Variants in VTI1A observed in about 807,000 individuals in gnomAD.
VTI1A encodes vesicle transport through interaction with t-SNAREs homolog 1A.
In VTI1A, 22 loss-of-function variants were observed where a neutral mutation model predicts 34.9. The ratio of observed to expected loss-of-function variants is 0.63; its 90% confidence interval spans 0.45 to 0.90. The LOEUF (loss-of-function observed/expected upper bound fraction) is 0.90. VTI1A is among the 40% of genes least tolerant of loss of function. The pLI, the probability that VTI1A is intolerant of heterozygous loss-of-function variation, is 0.00. For missense variants in VTI1A, 268 were observed against 275.6 expected, an observed-to-expected ratio of 0.97 and a Z score of 0.20; for synonymous variants, 87 against 97.3, an observed-to-expected ratio of 0.89 and a Z score of 0.62.
At chr10:112,808,287 C>T (rs947124476) in intron 7 of VTI1A, among the ~76,000 whole-genome samples, 2 of 151,840 alleles carry the variant, frequency 1.3e-5, no homozygotes, top group African/African-American at 4.8e-5. Context: ...GGTGGAACCT[C>T]ATGAATTTGC....
chr10:112,625,134 G>A lies in VTI1A; in HGVS notation c.428-43084G>A, dbSNP rs918225018. On this transcript the variant is annotated intron_variant, in intron 5 of 7. Transcript: ENST00000393077. Reference sequence around the variant, plus strand: ...AAAAGTATTTTGTAATAAAGTAAGCGCTGAATACATATGTTTAACTTGGGG... The same window carrying A: ...AAAAGTATTTTGTAATAAAGTAAGCACTGAATACATATGTTTAACTTGGGG... Among the ~76,000 whole-genome samples the A allele has an allele frequency of 7.2e-5, 11 of 152,262 alleles. No homozygotes were observed. In the East Asian group the frequency reaches 7.8e-4, roughly 11 times the overall value.
chr10:112,626,218 A>T (rs750487128), intron 5 of VTI1A, among the ~76,000 whole-genome samples: 14 of 152,184 alleles, frequency 9.2e-5, no homozygotes, highest in Non-Finnish European at 1.9e-4. Flanking sequence ...CCCCTTCCGG[A>T]GGTCACATAA....
chr10:112,854,745 G>A, the VTI1A span, among the ~76,000 whole-genome samples: 2 of 152,198 alleles, frequency 1.3e-5, no homozygotes, highest in African/African-American at 2.4e-5. Flanking sequence ...GGAATGAGGC[G>A]ACACCAGTAT....
chr10:112,666,419 T>C (rs1446123642), intron 5 of VTI1A, among the ~76,000 whole-genome samples: 1 of 152,208 alleles, frequency 6.6e-6, no homozygotes, highest in Non-Finnish European at 1.5e-5. Context: ...AATTCTTCTG[T>C]TAACACTTGT....
At chr10:112,812,397 G>A (rs181089512) in intron 7 of VTI1A, among the ~76,000 whole-genome samples, 1 of 152,302 alleles carries the variant, frequency 6.6e-6, no homozygotes, top group East Asian at 1.9e-4. Flanking sequence ...GGAACCCCTT[G>A]GCCTAGCTGG....
chr10:112,521,876 C>T (rs990505020), intron 3 of VTI1A, among the ~76,000 whole-genome samples: 5 of 151,744 alleles, frequency 3.3e-5, no homozygotes, highest in African/African-American at 9.7e-5. Context: ...GCTTTCTGTC[C>T]TGGATTGATG....
chr10:112,488,403 G>T (rs1035202583), intron 3 of VTI1A, among the ~76,000 whole-genome samples: 2 of 152,076 alleles, frequency 1.3e-5, no homozygotes. Context: ...GTACCAAGTC[G>T]AACTATCATT....
At chr10:112,791,711 C>CT (rs1335531723) in intron 7 of VTI1A, among the ~76,000 whole-genome samples, 7 of 152,070 alleles carry the variant, frequency 4.6e-5, no homozygotes, top group Admixed American at 4.6e-4. Context: ...AGGCAGCCTC[C>CT]TTTTTTCTTC....
At chr10:112,582,941 G>A (rs1844005142) in intron 5 of VTI1A, among the ~76,000 whole-genome samples, 1 of 152,086 alleles carries the variant, frequency 6.6e-6, no homozygotes, top group Non-Finnish European at 1.5e-5. Flanking sequence ...TCAGTGACCT[G>A]CCCAGCTTTA....
chr10:112,500,430 T>G (rs574289446), intron 3 of VTI1A, among the ~76,000 whole-genome samples: 1 of 147,096 alleles, frequency 6.8e-6, no homozygotes, highest in East Asian at 2.0e-4. Flanking sequence ...AGACTCCATC[T>G]CAAAAAAAGA....
At chr10:112,642,144 T>C (rs966518086) in intron 5 of VTI1A, among the ~76,000 whole-genome samples, 1 of 152,218 alleles carries the variant, frequency 6.6e-6, no homozygotes, top group Non-Finnish European at 1.5e-5. Flanking sequence ...TATTCCAGAA[T>C]GTAGACCGCA....
chr10:112,480,210 A>G (rs778315266), intron 3 of VTI1A, among the ~76,000 whole-genome samples: 8 of 152,212 alleles, frequency 5.3e-5, no homozygotes, highest in Non-Finnish European at 1.2e-4. Flanking sequence ...TAAAACAAAT[A>G]ATATTAAACA....
rs183877761 is a variant in VTI1A, at chr10:112,519,879, A to C, written c.265-7208A>C. ...ATCACTTGAAACTGTGACTATGGACAGATTTTCAATGAATGACCCCTTTTC... is the reference window on the plus strand; with the variant it reads ...ATCACTTGAAACTGTGACTATGGACCGATTTTCAATGAATGACCCCTTTTC... On this transcript the variant is annotated intron_variant, in intron 3 of 7. Coordinates refer to ENST00000393077, the MANE Select transcript of VTI1A (RefSeq NM_145206.4). Among the ~76,000 whole-genome samples the C allele has an allele frequency of 4.7e-3, 721 of 152,196 alleles. 6 individuals are homozygous for C. The highest frequency in any genetic ancestry group is 0.017 in the African/African-American group (698 of 41,542).
At chr10:112,766,374 C>T (rs1268965924) in intron 7 of VTI1A, among the ~76,000 whole-genome samples, 1 of 152,144 alleles carries the variant, frequency 6.6e-6, no homozygotes, top group African/African-American at 2.4e-5. Flanking sequence ...TGTTTATAAA[C>T]TTTGCTAAAT....
chr10:112,757,344 T>A (rs11196092), intron 7 of VTI1A, among the ~76,000 whole-genome samples: 9,416 of 146,486 alleles, frequency 0.064, 1,059 homozygotes, highest in African/African-American at 0.22. Flanking sequence ...CTTTCTTTGT[T>A]GCTGTGATTT....
intron 7 of VTI1A, among the ~76,000 whole-genome samples, chr10:112,725,959 C>T (rs997091929): frequency 2.0e-5 from 3 of 152,174 alleles, no homozygotes; most frequent in Non-Finnish European, 4.4e-5. Flanking sequence ...AGGCTCCTGG[C>T]CCAAACCTGG....
chr10:112,577,618 T>G (rs1843758377), intron 5 of VTI1A, among the ~76,000 whole-genome samples: 3 of 152,238 alleles, frequency 2.0e-5, no homozygotes, highest in Admixed American at 2.0e-4. Context: ...TAAAAAGTTG[T>G]GTTCAATAGC....
intron 5 of VTI1A, among the ~76,000 whole-genome samples, chr10:112,609,832 TG>T (rs1252470455): frequency 1.3e-5 from 2 of 152,140 alleles, no homozygotes; most frequent in Non-Finnish European, 2.9e-5. Context: ...CAAATCCATG[TG>T]GAAAGGGGTT....
the VTI1A span, among the ~76,000 whole-genome samples, chr10:112,829,094 A>G: frequency 6.6e-6 from 1 of 152,166 alleles, no homozygotes; most frequent in South Asian, 2.1e-4. Flanking sequence ...CCTAATGTCC[A>G]GCATACAGTA....
Sources: gnomAD v4.1 joint callset for allele counts (sites outside exome capture counted in the v4.1 genomes callset) on GRCh38, gnomAD v4.1.1 for gene constraint, MANE v1.5 for transcripts, NCBI Gene and HGNC (gene_info 2026-07-23, HGNC 2026-07-21) for gene names.